SLC9B1: variants seen among roughly 807,000 people sequenced by gnomAD.
SLC9B1 encodes the protein solute carrier family 9 member B1.
SLC9B1 carries 32 observed loss-of-function variants against 51.7 expected under a neutral mutation model. The observed-to-expected ratio is 0.62, with a 90% CI of 0.47 to 0.83. The LOEUF (loss-of-function observed/expected upper bound fraction) is 0.83. SLC9B1 is among the 40% of genes least tolerant of loss of function. The pLI is 0.00. For synonymous variants in SLC9B1, 145 were observed against 212.7 expected, an observed-to-expected ratio of 0.68 and a Z score of 2.77; for missense variants, 406 against 613.2, an observed-to-expected ratio of 0.66 and a Z score of 3.57.
chr4:102,911,769 A>T (rs1489954449), intron 7 of SLC9B1, among the ~76,000 whole-genome samples: 3 of 152,170 alleles, frequency 2.0e-5, no homozygotes, highest in Non-Finnish European at 4.4e-5. Context: ...AATGTCCATT[A>T]TGTAAATAGG....
At position 102,944,188 on chromosome 4, in the gene SLC9B1, T is replaced by C. The variant is rs182470471; in HGVS notation, c.653+1005A>G. Among the ~76,000 whole-genome samples, 1,357 of 152,122 alleles carry C rather than the reference T, an allele frequency of 8.9e-3. 13 individuals are homozygous for C. The highest frequency in any genetic ancestry group is 0.03 in the African/African-American group (1,230 of 41,490). ...GTGGGAGCTAAACACTGAGTACACA[T>C]GGACAGAAAGAAGGGAACAATCGTC... On this transcript the variant is annotated intron_variant, in intron 6 of 11. Transcript: ENST00000296422.
chr4:102,919,536 T>C, intron 7 of SLC9B1, among the ~76,000 whole-genome samples: 1 of 152,114 alleles, frequency 6.6e-6, no homozygotes, highest in East Asian at 1.9e-4. Flanking sequence ...AGGTACCTGG[T>C]TCATCTCATT....
At chr4:102,931,459 T>C (rs568402493) in intron 7 of SLC9B1, among the ~76,000 whole-genome samples, 1 of 152,178 alleles carries the variant, frequency 6.6e-6, no homozygotes, top group Non-Finnish European at 1.5e-5. Context: ...TTCTTATTTA[T>C]TTATATTTTC....
intron 3 of SLC9B1, among the ~76,000 whole-genome samples, chr4:102,988,478 A>C (rs1369751355): frequency 6.6e-6 from 1 of 152,110 alleles, no homozygotes; most frequent in Non-Finnish European, 1.5e-5. Flanking sequence ...AGTTTTAAGA[A>C]ATTATTTTGT....
At chr4:102,944,421 T>C (rs1737168814) in intron 6 of SLC9B1, among the ~76,000 whole-genome samples, 1 of 152,312 alleles carries the variant, frequency 6.6e-6, no homozygotes, top group South Asian at 2.1e-4. Flanking sequence ...GTTGTCACTT[T>C]GGGTAGAGTT....
downstream of SLC9B1, among the ~76,000 whole-genome samples, chr4:102,899,095 TTTAAA>T (rs1373026496): frequency 6.6e-6 from 1 of 151,220 alleles, no homozygotes; most frequent in East Asian, 1.9e-4. Flanking sequence ...GGTTGTAATT[TTTAAA>T]TTATATTAAT....
At chr4:102,928,095 A>C (rs564510607) in intron 7 of SLC9B1, among the ~76,000 whole-genome samples, 1 of 151,934 alleles carries the variant, frequency 6.6e-6, no homozygotes, top group African/African-American at 2.4e-5. Context: ...GGGCTGGGGG[A>C]GGGAGAGCAT....
At chr4:102,925,410 G>A (rs921775907) in intron 7 of SLC9B1, among the ~76,000 whole-genome samples, 2 of 152,120 alleles carry the variant, frequency 1.3e-5, no homozygotes, top group Non-Finnish European at 2.9e-5. Flanking sequence ...GTCATGGAGT[G>A]TGGGGAGGGA....
chr4:102,909,801 A>C (rs1206008774), intron 9 of SLC9B1, among the ~76,000 whole-genome samples: 1 of 152,202 alleles, frequency 6.6e-6, no homozygotes, highest in Non-Finnish European at 1.5e-5. Context: ...AAGCATTTCT[A>C]TTTTTATTAT....
chr4:102,957,934 G>A (rs1165804535), intron 3 of SLC9B1, among the ~76,000 whole-genome samples: 2 of 152,162 alleles, frequency 1.3e-5, no homozygotes, highest in African/African-American at 4.8e-5. Flanking sequence ...CTGGAATTAA[G>A]TAAAAATTAT....
intron 6 of SLC9B1, among the ~76,000 whole-genome samples, chr4:102,938,519 T>C (rs1354326381): frequency 5.3e-5 from 8 of 152,174 alleles, no homozygotes; most frequent in Non-Finnish European, 1.0e-4. Context: ...CTTGGCTAAA[T>C]GGACCTAACA....
downstream of SLC9B1, among the ~76,000 whole-genome samples, chr4:102,898,853 G>T (rs1263630965): frequency 6.6e-6 from 1 of 152,110 alleles, no homozygotes; most frequent in African/African-American, 2.4e-5. Context: ...TCAGCCTCCC[G>T]AGTAGCCGGG....
At chr4:102,956,314 T>TAAAAAAAAAAA (rs35614802) in intron 3 of SLC9B1, among the ~76,000 whole-genome samples, 1 of 133,184 alleles carries the variant, frequency 7.5e-6, no homozygotes, top group Non-Finnish European at 1.7e-5. Flanking sequence ...TGAGTATTAC[T>TAAAAAAAAAAA]AAAAAAAAAA....
At chr4:102,918,101 A>AC (rs1735677770) in intron 7 of SLC9B1, among the ~76,000 whole-genome samples, 1 of 151,032 alleles carries the variant, frequency 6.6e-6, no homozygotes, top group Non-Finnish European at 1.5e-5. Context: ...CTAGAGAAAA[A>AC]AAAAACCCAA....
intron 7 of SLC9B1, among the ~76,000 whole-genome samples, chr4:102,929,814 G>A (rs1407040173): frequency 4.6e-5 from 7 of 152,216 alleles, no homozygotes; most frequent in African/African-American, 1.7e-4. Context: ...GAGCCATTGG[G>A]CCCGGCCTGG....
rs139976421 is a variant in SLC9B1 at position 103,000,512 on chromosome 4, T to A, written c.-1-8800A>T. 4.6e-5 allele frequency among the ~76,000 whole-genome samples: 7 copies of A among 152,330 alleles called. No individual in the cohort carries two copies. In the East Asian group the frequency reaches 1.2e-3, roughly 25 times the overall value. ...AAGAGCAAGTTAGTTACTTCCAAGA[T>A]ACAATGAGGGTACAGGCATTGGGTA... On this transcript the variant is annotated intron_variant, in intron 1 of 11. Transcript: ENST00000296422.
At chr4:102,963,028 A>T (rs1270610155) in intron 3 of SLC9B1, 2 of 454,546 alleles carry the variant, frequency 4.4e-6, no homozygotes, top group East Asian at 1.4e-4. Flanking sequence ...ACTGTATAAG[A>T]ATGTTGTTCT....
chr4:102,955,852 A>G (rs1737765319), intron 3 of SLC9B1, among the ~76,000 whole-genome samples: 1 of 107,868 alleles, frequency 9.3e-6, no homozygotes, highest in Non-Finnish European at 1.8e-5. Flanking sequence ...AGAGAAAGAA[A>G]GAAAGAAAGA....
chr4:102,901,014 C>T lies in SLC9B1; in HGVS notation c.*103G>A. The stretch of plus-strand genomic sequence containing the variant: ...TACTGAAATCACATGTTTACTAAAT[C>T]CTGGATTCTCTGTACAGTCCCCACA... On this transcript the variant is annotated 3_prime_UTR_variant, in exon 12 of 12. Transcript: ENST00000296422. The T allele has an allele frequency of 6.5e-7, 1 of 1,547,102 alleles. No individual in the cohort carries two copies. Among genetic ancestry groups the T allele is most frequent in the Non-Finnish European group, 8.7e-7 (1 of 1,150,224 alleles).
Sources: gnomAD v4.1 joint callset for allele counts (sites outside exome capture counted in the v4.1 genomes callset) on GRCh38, gnomAD v4.1.1 for gene constraint, MANE v1.5 for transcripts, NCBI Gene and HGNC (gene_info 2026-07-23, HGNC 2026-07-21) for gene names.